Variants in CDK15 observed in about 807,000 individuals in gnomAD.
CDK15 encodes the protein cyclin dependent kinase 15.
A neutral mutation model predicts 60.3 loss-of-function variants in CDK15; 62 were observed. The observed-to-expected ratio is 1.03, with a 90% CI of 0.84 to 1.27. The LOEUF (loss-of-function observed/expected upper bound fraction) is 1.27, where lower values mean the gene tolerates loss of function less well. Among genes scored for constraint, CDK15 ranks in the 50% most tolerant of loss-of-function variants. CDK15 has a pLI of 0.00. For synonymous variants in CDK15, 194 were observed against 195.7 expected (o/e 0.99, Z 0.07); for missense variants, 541 against 527.8 (o/e 1.03, Z -0.25).
chr2:201,846,525 C>T (rs191080490), intron 8 of CDK15, among the ~76,000 whole-genome samples: 4 of 149,734 alleles, frequency 2.7e-5, no homozygotes, highest in African/African-American at 9.8e-5. Context: ...TTGGTGTCAG[C>T]GACTTGGAAG....
At chr2:201,876,579 GAGA>G (rs1297497727) in intron 11 of CDK15, 1 of 1,288,266 alleles carries the variant, frequency 7.8e-7, no homozygotes, top group Non-Finnish European at 1.0e-6. Flanking sequence ...ACCGGCGAAG[GAGA>G]AGGAGAAGCA....
intron 8 of CDK15, among the ~76,000 whole-genome samples, chr2:201,841,464 T>C (rs1322683694): frequency 6.6e-6 from 1 of 152,210 alleles, no homozygotes; most frequent in Non-Finnish European, 1.5e-5. Flanking sequence ...TGCTAGACCT[T>C]GGGTATTTAC....
chr2:201,836,877 T>G (rs1323874953), intron 8 of CDK15, among the ~76,000 whole-genome samples: 1 of 151,742 alleles, frequency 6.6e-6, no homozygotes, highest in Non-Finnish European at 1.5e-5. Context: ...ATCAATTAAC[T>G]CTGGATTCTG....
chr2:201,819,166 AT>A lies in CDK15; in HGVS notation c.449-3642del, dbSNP rs1358276097. On this transcript the variant is annotated intron_variant, in intron 4 of 13. Transcript: ENST00000652192. ...TGGGGTGGAGGGCTGCTGAGGTGGGATGGAGTAGAGGGCTGCTATCTCACCT... is the reference window on the plus strand; with the variant it reads ...TGGGGTGGAGGGCTGCTGAGGTGGGAGGAGTAGAGGGCTGCTATCTCACCT... 1.9e-4 allele frequency among the ~76,000 whole-genome samples: 29 copies of A among 152,150 alleles called. 1 individual carries two copies. The highest frequency in any genetic ancestry group is 5.5e-4 in the African/African-American group (23 of 41,520).
At chr2:201,853,494 A>G (rs1697998206) in intron 9 of CDK15, among the ~76,000 whole-genome samples, 2 of 152,184 alleles carry the variant, frequency 1.3e-5, no homozygotes, top group Admixed American at 6.5e-5. Flanking sequence ...TTGTTGGGCA[A>G]TTGACTCCCT....
intron 9 of CDK15, among the ~76,000 whole-genome samples, chr2:201,850,055 C>T (rs1462076444): frequency 3.3e-5 from 5 of 152,300 alleles, no homozygotes; most frequent in East Asian, 1.9e-4. Context: ...AAACTCCTGA[C>T]CTCGTGATCC....
intron 8 of CDK15, among the ~76,000 whole-genome samples, chr2:201,838,148 A>G (rs1291839243): frequency 6.6e-6 from 1 of 152,038 alleles, no homozygotes; most frequent in Non-Finnish European, 1.5e-5. Flanking sequence ...ATTCAAGAGT[A>G]TATATAACAT....
At chr2:201,831,604 G>A (rs1045193243) in intron 6 of CDK15, among the ~76,000 whole-genome samples, 4 of 152,140 alleles carry the variant, frequency 2.6e-5, no homozygotes, top group Non-Finnish European at 5.9e-5. Flanking sequence ...CCTTAATACC[G>A]CAGTGCTTTA....
At chr2:201,884,810 C>T (rs1171385961) in intron 12 of CDK15, among the ~76,000 whole-genome samples, 1 of 152,130 alleles carries the variant, frequency 6.6e-6, no homozygotes, top group Non-Finnish European at 1.5e-5. Flanking sequence ...TGGAGGTTTA[C>T]TGAGTGTCCA....
chr2:201,868,604 C>T (rs1288525727), intron 10 of CDK15, among the ~76,000 whole-genome samples: 2 of 151,522 alleles, frequency 1.3e-5, no homozygotes, highest in East Asian at 1.9e-4. Context: ...GTTGCCCCTA[C>T]AGAATGCGAG....
At chr2:201,849,500 ACT>A (rs1226758701) in intron 9 of CDK15, among the ~76,000 whole-genome samples, 1 of 152,078 alleles carries the variant, frequency 6.6e-6, no homozygotes, top group Non-Finnish European at 1.5e-5. Context: ...GAGGCGAGTA[ACT>A]CTACAAGACT....
At chr2:201,838,773 G>A (rs146354684) in intron 8 of CDK15, among the ~76,000 whole-genome samples, 15 of 152,172 alleles carry the variant, frequency 9.9e-5, no homozygotes, top group East Asian at 5.8e-4. Context: ...AACATAATCC[G>A]TACTGTCCTA....
chr2:201,874,667 C>T (rs1262382077), intron 11 of CDK15, among the ~76,000 whole-genome samples: 2 of 152,144 alleles, frequency 1.3e-5, no homozygotes, highest in Non-Finnish European at 2.9e-5. Context: ...GAACCATTCA[C>T]AGGCCTGTAG....
At chr2:201,869,233 CA>C (rs1296927562) in intron 10 of CDK15, among the ~76,000 whole-genome samples, 3 of 152,110 alleles carry the variant, frequency 2.0e-5, no homozygotes, top group Non-Finnish European at 2.9e-5. Context: ...TTTGCAGGGA[CA>C]TGGATGCAGC....
chr2:201,872,393 G>C, intron 11 of CDK15, 67 bp downstream of exon 11: 1 of 1,536,214 alleles, frequency 6.5e-7, no homozygotes, highest in Non-Finnish European at 9.0e-7. Flanking sequence ...CATTTCCCTG[G>C]ATCTCAGTCC....
chr2:201,837,714 C>T (rs990852518), intron 8 of CDK15, among the ~76,000 whole-genome samples: 12 of 152,080 alleles, frequency 7.9e-5, no homozygotes, highest in South Asian at 2.1e-4. Context: ...ACTTTACAGA[C>T]GTAGACAACT....
rs185698531 is a variant in CDK15, at chr2:201,881,279, T to G, written c.1198+1112T>G. Among the ~76,000 whole-genome samples the G allele has an allele frequency of 3.0e-4, 46 of 152,314 alleles. No individual in the cohort carries two copies. In the East Asian group the frequency reaches 8.5e-3, roughly 28 times the overall value. On this transcript the variant is annotated intron_variant, in intron 12 of 13. Transcript: ENST00000652192. ...TCTGTTTTATGACTAAAGTGAGTCA[T>G]TTAGGATCTCCAAAAATAACCATAA... is the stretch of plus-strand genomic sequence containing the variant.
chr2:201,854,770 C>A, intron 9 of CDK15, 104 bp from the exon 10 acceptor site: 1 of 907,152 alleles, frequency 1.1e-6, no homozygotes, highest in Non-Finnish European at 1.8e-6. Context: ...ATACATCTGA[C>A]GCTTCCCTGT....
intron 4 of CDK15, among the ~76,000 whole-genome samples, chr2:201,813,804 T>A (rs1274681708): frequency 6.6e-6 from 1 of 152,204 alleles, no homozygotes; most frequent in Non-Finnish European, 1.5e-5. Flanking sequence ...TCAGAGCCCC[T>A]GAGGAATACA....
Sources: gnomAD v4.1 joint callset for allele counts (sites outside exome capture counted in the v4.1 genomes callset) on GRCh38, gnomAD v4.1.1 for gene constraint, MANE v1.5 for transcripts, NCBI Gene and HGNC (gene_info 2026-07-23, HGNC 2026-07-21) for gene names.